Variants in TAB2 observed in about 807,000 individuals in gnomAD.
The protein encoded by TAB2 is TGF-beta-activated kinase 1 and MAP3K7-binding protein 2.
A neutral mutation model predicts 65.0 loss-of-function variants in TAB2; 3 were observed. The observed-to-expected ratio is 0.05, with a 90% CI of 0.02 to 0.12. The LOEUF (loss-of-function observed/expected upper bound fraction) is 0.12, where lower values mean the gene tolerates loss of function less well. Ranked by LOEUF, TAB2 falls within the 10% of genes least tolerant of loss-of-function variation. The pLI, the probability that TAB2 is intolerant of heterozygous loss-of-function variation, is 1.00. For missense variants in TAB2, 623 were observed against 840.3 expected, an observed-to-expected ratio of 0.74 and a Z score of 3.20; for synonymous variants, 298 against 285.1, an observed-to-expected ratio of 1.05 and a Z score of -0.46.
chr6:149,237,560 G>T lies in TAB2; in HGVS notation c.-121+18784G>T, dbSNP rs539031756. On this transcript the variant is annotated intron_variant, in intron 1 of 1. Coordinates refer to the TAB2 transcript ENST00000606202. ...CGTAAGTGGAGAGGCAGTCAGTCCT[G>T]CCTTTCTCCTGTTTATAAAACCTTC... Among the ~76,000 whole-genome samples, 12 of 152,294 alleles carry T rather than the reference G, an allele frequency of 7.9e-5. No individual in the cohort carries two copies. The South Asian group carries it at 2.1e-3, about 26-fold the overall frequency.
chr6:149,318,225 G>GT (rs1197632545), intron 1 of TAB2, among the ~76,000 whole-genome samples: 3 of 151,954 alleles, frequency 2.0e-5, no homozygotes, highest in Non-Finnish European at 4.4e-5. Flanking sequence ...CCCCAGTCCG[G>GT]TGGGGGTGGG....
At chr6:149,230,904 A>G (rs1434510220) in intron 1 of TAB2, among the ~76,000 whole-genome samples, 1 of 152,204 alleles carries the variant, frequency 6.6e-6, no homozygotes, top group East Asian at 1.9e-4. Context: ...GGGAACTGAA[A>G]ACAGGCCCCT....
intron 1 of TAB2, among the ~76,000 whole-genome samples, chr6:149,365,901 C>A (rs183137964): frequency 1.1e-3 from 161 of 152,122 alleles, no homozygotes; most frequent in Non-Finnish European, 2.1e-3. Context: ...GTTAAGTCTA[C>A]CCAGTGAATT....
chr6:149,269,961 G>A (rs1778329583), intron 1 of TAB2, among the ~76,000 whole-genome samples: 1 of 152,140 alleles, frequency 6.6e-6, no homozygotes, highest in Non-Finnish European at 1.5e-5. Context: ...AAATACCTAG[G>A]AAAGAAATTG....
intron 1 of TAB2, among the ~76,000 whole-genome samples, chr6:149,231,624 T>C (rs1441222283): frequency 6.6e-6 from 1 of 152,248 alleles, no homozygotes; most frequent in Non-Finnish European, 1.5e-5. Context: ...CATATGTAGA[T>C]GAGTCTAATT....
In TAB2 at chr6:149,342,810, C is replaced by T. The variant is rs998845991; in HGVS notation, c.-90+24795C>T. 5.9e-5 allele frequency: 9 copies of T among 152,168 alleles called. No homozygotes were observed. The East Asian group carries it at 1.3e-3, about 23-fold the overall frequency. The allele number at this position is 152,168 out of a possible 1,614,324, so 9.4% of individuals were successfully genotyped here. A position where few individuals can be genotyped will look rare whatever the true frequency, so the allele number is the denominator to read the frequency against. On this transcript the variant is annotated intron_variant, in intron 1 of 6. Transcript: ENST00000637181. ...GCAATGGGCCAACCAAGAACAGCTA[C>T]AATTTGAATTTTTCTATTTCCAGGT...
intron 1 of TAB2, among the ~76,000 whole-genome samples, chr6:149,335,907 T>C (rs543270411): frequency 1.3e-5 from 2 of 152,134 alleles, no homozygotes; most frequent in Non-Finnish European, 2.9e-5. Context: ...TAGATAAATA[T>C]AGATATTCAT....
chr6:149,236,206 A>G (rs192248340), intron 1 of TAB2, among the ~76,000 whole-genome samples: 133 of 152,280 alleles, frequency 8.7e-4, no homozygotes, highest in African/African-American at 3.0e-3. Flanking sequence ...CATGCAAGAA[A>G]TCTGCACTTG....
At chr6:149,317,206 G>A (rs1164117101), upstream of TAB2, among the ~76,000 whole-genome samples, 1 of 151,990 alleles carries the variant, frequency 6.6e-6, no homozygotes, top group Non-Finnish European at 1.5e-5. This position sits in a 1 kb window ranked among gnomAD's most constrained non-coding sequence, Gnocchi z 4.7. Context: ...GTGGCGGGAG[G>A]TGGAACCCGC....
chr6:149,300,448 T>C (rs1465264856), intron 1 of TAB2, among the ~76,000 whole-genome samples: 9 of 152,082 alleles, frequency 5.9e-5, no homozygotes, highest in Admixed American at 5.2e-4. Context: ...AATAAGGGAG[T>C]TGGATGAAAA....
chr6:149,246,873 T>C (rs1330185747), intron 1 of TAB2: 1 of 152,296 alleles, frequency 6.6e-6, no homozygotes, highest in African/African-American at 2.4e-5. Flanking sequence ...GAAGCCGTTT[T>C]CATCTGAAAT....
At chr6:149,257,091 G>A (rs1380436146) in intron 1 of TAB2, among the ~76,000 whole-genome samples, 1 of 152,180 alleles carries the variant, frequency 6.6e-6, no homozygotes, top group Non-Finnish European at 1.5e-5. Flanking sequence ...AGAGTGGTTG[G>A]TTAGCTGCTG....
intron 3 of TAB2, among the ~76,000 whole-genome samples, chr6:149,390,660 T>C (rs971999675): frequency 2.0e-5 from 3 of 152,236 alleles, no homozygotes; most frequent in Non-Finnish European, 4.4e-5. Context: ...AGAATGCTTA[T>C]AGCAGTGGTT....
At chr6:149,384,776 A>G (rs375802694) in intron 3 of TAB2, among the ~76,000 whole-genome samples, 5 of 152,266 alleles carry the variant, frequency 3.3e-5, no homozygotes, top group African/African-American at 9.6e-5. Context: ...GGCAACTTTT[A>G]TAGGTATGGA....
intron 1 of TAB2, among the ~76,000 whole-genome samples, chr6:149,240,119 C>A (rs1372022267): frequency 2.0e-5 from 3 of 152,208 alleles, no homozygotes; most frequent in Non-Finnish European, 4.4e-5. Context: ...GTTGTGCTAT[C>A]TTGATTATTA....
intron 1 of TAB2, among the ~76,000 whole-genome samples, chr6:149,287,248 G>A (rs983220897): frequency 2.0e-5 from 3 of 152,134 alleles, no homozygotes; most frequent in African/African-American, 7.2e-5. Context: ...AAGGATTATA[G>A]GTGAGTTTTG....
intron 1 of TAB2, among the ~76,000 whole-genome samples, chr6:149,296,421 T>C (rs1778877192): frequency 6.6e-6 from 1 of 152,214 alleles, no homozygotes; most frequent in Non-Finnish European, 1.5e-5. Flanking sequence ...AATGCAAAAG[T>C]GACTTCTTTC....
intron 1 of TAB2, among the ~76,000 whole-genome samples, chr6:149,357,430 A>AAAAAAAAAAACACACACACAC: frequency 2.7e-5 from 3 of 111,146 alleles, no homozygotes; most frequent in Non-Finnish European, 3.6e-5. Context: ...AGAAAAAAAA[A>AAAAAAAAAAACACACACACAC]ACACACACAC....
chr6:149,328,316 G>A (rs938659547), intron 1 of TAB2, among the ~76,000 whole-genome samples: 21 of 152,100 alleles, frequency 1.4e-4, no homozygotes, highest in Non-Finnish European at 2.5e-4. Flanking sequence ...TTGTTTGAGA[G>A]GGAGTCTGCT....
Sources: gnomAD v4.1 joint callset for allele counts (sites outside exome capture counted in the v4.1 genomes callset) on GRCh38, gnomAD v4.1.1 for gene constraint, Gnocchi (gnomAD v3.1) non-coding constraint, MANE v1.5 for transcripts, NCBI Gene and HGNC (gene_info 2026-07-23, HGNC 2026-07-21) for gene names.